Variants in EDA observed in about 807,000 individuals in gnomAD.
EDA encodes ectodysplasin-A.
EDA carries 2 observed loss-of-function variants against 23.6 expected under a neutral mutation model. That is an observed-to-expected ratio of 0.08 (90% confidence interval 0.03 to 0.27). The LOEUF (loss-of-function observed/expected upper bound fraction) is 0.27, where lower values mean the gene tolerates loss of function less well. Ranked by LOEUF, EDA falls within the 10% of genes least tolerant of loss-of-function variation. The pLI is 1.00. For synonymous variants in EDA, 131 were observed against 132.0 expected, an observed-to-expected ratio of 0.99 and a Z score of 0.05; for missense variants, 229 against 324.2, an observed-to-expected ratio of 0.71 and a Z score of 2.26.
intron 1 of EDA, among the ~76,000 whole-genome samples, chrX:69,827,964 A>T (rs2016498979): frequency 9.0e-6 from 1 of 110,682 alleles, no homozygotes; most frequent in African/African-American, 3.3e-5. Context: ...TGGCCGTGTG[A>T]GGTGTCAGTC....
At chrX:70,031,239 A>C (rs2020195289) in intron 6 of EDA, among the ~76,000 whole-genome samples, 1 of 112,373 alleles carries the variant, frequency 8.9e-6, no homozygotes, top group Admixed American at 9.4e-5. Flanking sequence ...AGAGAGATTA[A>C]TTAAGTTTCC....
intron 1 of EDA, 152 bp downstream of exon 1, chrX:69,616,856 C>A (rs1287956128): frequency 5.2e-6 from 4 of 776,549 alleles, no homozygotes; most frequent in Non-Finnish European, 7.4e-6. Context: ...AGAAGTTGCC[C>A]AGGGCAGGTT....
At chrX:69,719,370 T>A (rs2012480898) in intron 1 of EDA, among the ~76,000 whole-genome samples, 1 of 111,736 alleles carries the variant, frequency 8.9e-6, no homozygotes, top group Admixed American at 9.5e-5. Context: ...TCAATAGCTT[T>A]AAGGGTACAA....
chrX:69,790,832 T>TAC (rs2015383711), intron 1 of EDA, among the ~76,000 whole-genome samples: 1 of 55,251 alleles, frequency 1.8e-5, no homozygotes, highest in Non-Finnish European at 3.2e-5. Context: ...TGTCAGCTAG[T>TAC]AATTTCCTCA....
intron 1 of EDA, among the ~76,000 whole-genome samples, chrX:69,640,847 A>G (rs1464272751): frequency 1.8e-5 from 2 of 111,384 alleles, no homozygotes; most frequent in Non-Finnish European, 3.8e-5. Context: ...CCAAGTGTCA[A>G]CCATTGGACT....
chrX:69,995,004 C>T (rs1194900948), intron 2 of EDA, among the ~76,000 whole-genome samples: 1 of 111,971 alleles, frequency 8.9e-6, no homozygotes, highest in Non-Finnish European at 1.9e-5. Context: ...TGCAACTAGA[C>T]CAGAACTTGG....
chrX:69,948,447 CTCACA>C (rs1186328094), intron 1 of EDA, among the ~76,000 whole-genome samples: 5 of 111,834 alleles, frequency 4.5e-5, no homozygotes, highest in Non-Finnish European at 9.4e-5. Flanking sequence ...ATCCCTGGCA[CTCACA>C]TCAGAGATGT....
chrX:69,828,842 A>G (rs2016534703), intron 1 of EDA, among the ~76,000 whole-genome samples: 1 of 112,428 alleles, frequency 8.9e-6, no homozygotes, highest in African/African-American at 3.2e-5. Flanking sequence ...CTAGATTGTT[A>G]CACCATTTTG....
chrX:69,915,522 G>T (rs1306078271), intron 1 of EDA, among the ~76,000 whole-genome samples: 1 of 108,428 alleles, frequency 9.2e-6, no homozygotes, highest in African/African-American at 3.4e-5. Context: ...AGACTCACTT[G>T]AACCCAGGAG....
intron 1 of EDA, among the ~76,000 whole-genome samples, chrX:69,810,692 G>A (rs1179625649): frequency 2.8e-5 from 3 of 106,207 alleles, no homozygotes; most frequent in African/African-American, 1.0e-4. Flanking sequence ...GGAGGCGGAG[G>A]TTGCAGTGAG....
At position 70,027,468 on chromosome X, in the gene EDA, TTG is replaced by T. The variant is rs751784775; in HGVS notation, c.527-385_527-384del. ...AGCAGGGCCTCCCAGAGAGCTGACT[TTG>T]TGTCCTCAGAAGTCTGTAGAACTCC... On this transcript the variant is annotated intron_variant, in intron 3 of 7. Transcript: ENST00000374552. 2.7e-5 allele frequency among the ~76,000 whole-genome samples: 3 copies of T among 111,772 alleles called. No individual in the cohort carries two copies. In the South Asian group the frequency reaches 1.1e-3, roughly 42 times the overall value.
At chrX:70,027,311 A>G (rs1458407707) in intron 3 of EDA, among the ~76,000 whole-genome samples, 5 of 111,380 alleles carry the variant, frequency 4.5e-5, no homozygotes, top group Non-Finnish European at 9.4e-5. Context: ...CTGGAGGGCC[A>G]CTTATTTCTA....
intron 1 of EDA, among the ~76,000 whole-genome samples, chrX:69,653,811 A>C (rs1219321968): frequency 1.4e-4 from 16 of 112,112 alleles, no homozygotes; most frequent in African/African-American, 4.9e-4. Context: ...AAGATGGATT[A>C]AAGACTTAAA....
intron 1 of EDA, among the ~76,000 whole-genome samples, chrX:69,677,998 A>G (rs1199224732): frequency 5.4e-5 from 6 of 111,008 alleles, no homozygotes; most frequent in Non-Finnish European, 9.4e-5. Flanking sequence ...TGATTTTTGT[A>G]TAAGGTGTAA....
intron 1 of EDA, among the ~76,000 whole-genome samples, chrX:69,948,878 G>A (rs369084607): frequency 7.2e-5 from 8 of 111,402 alleles, no homozygotes; most frequent in African/African-American, 2.0e-4. Context: ...TTAAAAGTGC[G>A]TTCAATGCCA....
intron 1 of EDA, among the ~76,000 whole-genome samples, chrX:69,948,415 A>G (rs1195779019): frequency 9.0e-6 from 1 of 111,680 alleles, no homozygotes; most frequent in African/African-American, 3.3e-5. Context: ...ATCCTCTGAC[A>G]TATCTACAAC....
chrX:69,635,233 C>T (rs1053832617), intron 1 of EDA, among the ~76,000 whole-genome samples: 3 of 111,886 alleles, frequency 2.7e-5, no homozygotes, highest in African/African-American at 3.2e-5. Context: ...CCAGTGTGAT[C>T]TCTTTTAAAT....
chrX:69,649,839 G>A (rs1342247131), intron 1 of EDA, among the ~76,000 whole-genome samples: 1 of 111,332 alleles, frequency 9.0e-6, no homozygotes, highest in Non-Finnish European at 1.9e-5. Flanking sequence ...TGCCTACCTC[G>A]GCCTCCCAAA....
At chrX:69,620,639 A>T (rs1427493477) in intron 1 of EDA, 1 of 157,421 alleles carries the variant, frequency 6.4e-6, no homozygotes, top group Non-Finnish European at 1.2e-5. Context: ...TTTCTCTCTC[A>T]CTAACTCTGC....
Sources: gnomAD v4.1 joint callset for allele counts (sites outside exome capture counted in the v4.1 genomes callset) on GRCh38, gnomAD v4.1.1 for gene constraint, MANE v1.5 for transcripts, NCBI Gene and HGNC (gene_info 2026-07-23, HGNC 2026-07-21) for gene names.